KLK3: variants seen among roughly 807,000 people sequenced by gnomAD.
KLK3 encodes the protein kallikrein related peptidase 3.
A neutral mutation model predicts 27.7 loss-of-function variants in KLK3; 23 were observed. That is an observed-to-expected ratio of 0.83 (90% CI 0.60 to 1.17). The LOEUF (loss-of-function observed/expected upper bound fraction) is 1.17, where lower values mean the gene tolerates loss of function less well. KLK3 is among the 50% of genes most tolerant of loss of function. The pLI, the probability that KLK3 is intolerant of heterozygous loss-of-function variation, is 0.00. For synonymous variants in KLK3, 142 were observed against 134.2 expected, an observed-to-expected ratio of 1.06 and a Z score of -0.40; for missense variants, 322 against 338.1, an observed-to-expected ratio of 0.95 and a Z score of 0.37.
At chr19:50,859,414 G>T (rs1226898832) in intron 4 of KLK3, 1 of 756,636 alleles carries the variant, frequency 1.3e-6, no homozygotes, top group Non-Finnish European at 2.3e-6. Context: ...AGTGATGATG[G>T]GGCTGACCTG....
chr19:50,855,187 C>T (rs531365809), intron 1 of KLK3, 186 bp downstream of exon 1: 2 of 604,406 alleles, frequency 3.3e-6, no homozygotes, highest in East Asian at 5.7e-5. Flanking sequence ...CTCACTCCCA[C>T]ACCAGGTCCC....
chr19:50,858,484 T>C lies in KLK3; in HGVS notation c.519T>C (p.Cys173=). 12 of 1,614,196 alleles carry C rather than the reference T, an allele frequency of 7.4e-6. No homozygotes were observed. Among genetic ancestry groups the C allele is most frequent in the Non-Finnish European group, 9.3e-6 (11 of 1,180,024 alleles). The stretch of plus-strand genomic sequence containing the variant: ...TCTTGACCCCAAAGAAACTTCAGTG[T>C]GTGGACCTCCATGTTATTTCCAATG... ...EEFLTPKKLQ[C]VDLHVISNDV... is the part of the protein sequence containing the mutation. Residue 173 remains cysteine (C), a synonymous_variant, in exon 4 of 5, where the codon TGT becomes TGC. Transcript: ENST00000326003.
At chr19:50,857,219 CT>C (rs1442230375) in intron 2 of KLK3, among the ~76,000 whole-genome samples, 29 of 150,008 alleles carry the variant, frequency 1.9e-4, no homozygotes, top group Non-Finnish European at 3.0e-5. Flanking sequence ...TGTTTTATCC[CT>C]GATGTGTGTG....
At chr19:50,856,445 A>G (rs760039949) in intron 2 of KLK3, 46 bp downstream of exon 2, 5 of 1,592,260 alleles carry the variant, frequency 3.1e-6, no homozygotes, top group Non-Finnish European at 4.3e-6. Flanking sequence ...TGTGTCCCAG[A>G]GGAATAACAG....
chr19:50,858,088 T>A lies in KLK3; in HGVS notation c.266T>A (p.Val89Glu). 1 of 1,613,948 alleles carries A rather than the reference T, an allele frequency of 6.2e-7. No individual in the cohort carries two copies. The highest frequency in any genetic ancestry group is 8.5e-7 in the Non-Finnish European group (1 of 1,180,000). Reference sequence around the variant, plus strand: ...TTTCATCCTGAAGACACAGGCCAGGTATTTCAGGTCAGCCACAGCTTCCCA... The same window carrying A: ...TTTCATCCTGAAGACACAGGCCAGGAATTTCAGGTCAGCCACAGCTTCCCA... ...SLFHPEDTGQ[V>E]FQVSHSFPHP... Residue 89 changes from valine (V) to glutamate (E), a missense_variant, in exon 3 of 5, where the codon GTA (valine) becomes GAA (glutamate). Val to Glu is a moderately radical substitution (Grantham distance 121). Coordinates refer to ENST00000326003, the MANE Select transcript of KLK3 (RefSeq NM_001648.2).
At chr19:50,856,553 G>C in intron 2 of KLK3, 154 bp downstream of exon 2, 1 of 860,074 alleles carries the variant, frequency 1.2e-6, no homozygotes, top group Non-Finnish European at 1.7e-6. Context: ...CAGGGTTGGG[G>C]CTGGACCACC....
rs139911579 is a variant in KLK3, at chr19:50,856,286, C to T, written c.93C>T (p.Cys31=). 52 of 1,613,122 alleles carry T rather than the reference C, an allele frequency of 3.2e-5. No individual in the cohort carries two copies. In the African/African-American group the frequency reaches 4.3e-4, roughly 13 times the overall value. The change falls in exon 2 of 5, where the codon TGC becomes TGT. Residue 31 remains cysteine (C), a synonymous_variant. Coordinates refer to ENST00000326003, the MANE Select transcript of KLK3 (RefSeq NM_001648.2). The part of the protein sequence containing the change: ...ILSRIVGGWE[C]EKHSQPWQVL... ...CTCGGATTGTGGGAGGCTGGGAGTG[C>T]GAGAAGCATTCCCAACCCTGGCAGG...
At chr19:50,857,196 A>C (rs1042243161) in intron 2 of KLK3, among the ~76,000 whole-genome samples, 5 of 151,432 alleles carry the variant, frequency 3.3e-5, no homozygotes, top group Middle Eastern at 3.4e-3. Context: ...AAAGAAAAGA[A>C]AAGAAAAGGA....
chr19:50,857,957 C>T (rs537890241), intron 2 of KLK3, 72 bp from the exon 3 acceptor site: 511 of 1,471,012 alleles, frequency 3.5e-4, no homozygotes, highest in Non-Finnish European at 4.3e-4. Context: ...GGAGCCTCCT[C>T]CTTGCTCCTC....
At chr19:50,856,016 G>A (rs118115711) in intron 1 of KLK3, 1,404 of 538,738 alleles carry the variant, frequency 2.6e-3, no homozygotes, top group Non-Finnish European at 3.3e-3. Flanking sequence ...TGCTCCCAGA[G>A]CATGAAGCCT....
chr19:50,858,219 A>C lies in KLK3; in HGVS notation c.397A>C (p.Thr133Pro). The C allele has an allele frequency of 1.2e-6, 2 of 1,614,204 alleles. No individual in the cohort carries two copies. The highest frequency in any genetic ancestry group is 2.2e-5 in the South Asian group (2 of 91,086). The change falls in exon 3 of 5, where the codon ACG becomes CCG. Residue 133 changes from threonine (T) to proline (P), a missense_variant. Thr to Pro is a conservative substitution (Grantham distance 38). Coordinates refer to ENST00000326003, the MANE Select transcript of KLK3 (RefSeq NM_001648.2). ...LLRLSEPAEL[T>P]DAVKVMDLPT... ...CCGCCTGTCAGAGCCTGCCGAGCTC[A>C]CGGATGCTGTGAAGGTCATGGACCT...
rs759647725 is a variant in KLK3 at position 50,855,105 on chromosome 19, G to A, written c.46+104G>A. On this transcript the variant is annotated intron_variant, in intron 1 of 4. Coordinates refer to ENST00000326003, the MANE Select transcript of KLK3 (RefSeq NM_001648.2). ...CCCAGCACCCCAGCCCAGACAGGGA[G>A]CTGGGCTCTTTTCTGTCTCTCCCAG... is the stretch of plus-strand genomic sequence containing the variant. 27 of 1,206,768 alleles carry A rather than the reference G, an allele frequency of 2.2e-5. No individual in the cohort carries two copies. In the East Asian group the frequency reaches 6.5e-4, roughly 29 times the overall value. The allele number at this position is 1,206,768 out of a possible 1,614,324, so 74.8% of individuals were successfully genotyped here.
At chr19:50,857,766 C>T (rs1488873324) in intron 2 of KLK3, 7 of 442,504 alleles carry the variant, frequency 1.6e-5, no homozygotes, top group Non-Finnish European at 2.8e-5. Context: ...ACTGTTCTCC[C>T]CTCTGCCCTT....
chr19:50,855,159 C>T (rs1001023093), intron 1 of KLK3, 158 bp downstream of exon 1: 11 of 675,924 alleles, frequency 1.6e-5, no homozygotes, highest in Non-Finnish European at 2.6e-5. Context: ...CCCCCAGCCC[C>T]TCCATATTGC....
At chr19:50,855,080 C>T in intron 1 of KLK3, 79 bp downstream of exon 1, 2 of 1,416,770 alleles carry the variant, frequency 1.4e-6, no homozygotes, top group Non-Finnish European at 2.0e-6. Flanking sequence ...TCCCCCCCAA[C>T]CCAGCACCCC....
At chr19:50,859,333 G>GC (rs1568496850) in intron 4 of KLK3, among the ~76,000 whole-genome samples, 1 of 151,822 alleles carries the variant, frequency 6.6e-6, no homozygotes, top group African/African-American at 2.4e-5. Context: ...TGGCTCAGGT[G>GC]TCCAGAGGCT....
chr19:50,859,641 C>A, intron 4 of KLK3: 2 of 1,610,354 alleles, frequency 1.2e-6, no homozygotes, highest in Admixed American at 1.7e-5. Flanking sequence ...TGGAAGGTGG[C>A]CTCTGTGAGG....
intron 4 of KLK3, 122 bp downstream of exon 4, chr19:50,858,717 C>T: frequency 2.8e-6 from 3 of 1,077,872 alleles, no homozygotes; most frequent in Admixed American, 2.2e-5. Flanking sequence ...AGCCATGCCA[C>T]CTCCCCGTGT....
intron 4 of KLK3, chr19:50,859,744 G>C: frequency 1.3e-6 from 2 of 1,506,656 alleles, no homozygotes; most frequent in Non-Finnish European, 1.8e-6. Context: ...CCTCTGCACA[G>C]GAGCTGGACC....
Sources: allele counts gnomAD v4.1 joint callset (sites outside exome capture counted in the v4.1 genomes callset), GRCh38; gene constraint gnomAD v4.1.1; transcripts MANE v1.5; gene names NCBI Gene and HGNC (gene_info 2026-07-23, HGNC 2026-07-21).